ELMO1: variants seen among roughly 807,000 people sequenced by gnomAD.
ELMO1 encodes engulfment and cell motility protein 1.
Under a neutral mutation model 98.9 loss-of-function variants are expected in ELMO1, and 26 were observed. That is an observed-to-expected ratio of 0.26 (90% CI 0.19 to 0.36). The LOEUF (loss-of-function observed/expected upper bound fraction) is 0.36, where lower values mean the gene tolerates loss of function less well. Among genes scored for constraint, ELMO1 ranks in the 10% least tolerant of loss-of-function variants. The pLI, the probability that ELMO1 is intolerant of heterozygous loss-of-function variation, is 1.00. For synonymous variants in ELMO1, 346 were observed against 346.0 expected (o/e 1.00, Z 0.00); for missense variants, 627 against 935.2 (o/e 0.67, Z 4.30).
intron 15 of ELMO1, among the ~76,000 whole-genome samples, chr7:37,090,577 A>C (rs1351106245): frequency 6.6e-6 from 1 of 152,154 alleles, no homozygotes; most frequent in East Asian, 1.9e-4. Flanking sequence ...CAGGTCTTCT[A>C]GCCTACCATT....
At chr7:36,973,495 T>TGC (rs1232098424) in intron 16 of ELMO1, among the ~76,000 whole-genome samples, 3 of 152,120 alleles carry the variant, frequency 2.0e-5, no homozygotes, top group African/African-American at 4.8e-5. Context: ...AGGAAACAAG[T>TGC]TCCAGTCCAT....
chr7:37,138,720 C>T (rs979666877), intron 13 of ELMO1, among the ~76,000 whole-genome samples: 1 of 152,254 alleles, frequency 6.6e-6, no homozygotes, highest in African/African-American at 2.4e-5. Flanking sequence ...CTTAATCGTT[C>T]TATGAAGCCA....
chr7:37,102,796 A>T (rs1784708156), intron 14 of ELMO1, among the ~76,000 whole-genome samples: 1 of 152,236 alleles, frequency 6.6e-6, no homozygotes, highest in African/African-American at 2.4e-5. Context: ...ATGGAAGCTT[A>T]GATGGCCTAA....
Position 37,371,468 on chromosome 7 carries a change from A to G in ELMO1, c.-73-28705T>C, listed in dbSNP as rs1243702393. Among the ~76,000 whole-genome samples the G allele has an allele frequency of 3.3e-5, 5 of 152,184 alleles. No individual in the cohort carries two copies. In the East Asian group the frequency reaches 9.6e-4, roughly 29 times the overall value. Reference sequence around the variant, plus strand: ...ATTTCATTATAATCTATTTTGAACTATTTAGTTTTAGCTTTCATTTACTCG... The same window carrying G: ...ATTTCATTATAATCTATTTTGAACTGTTTAGTTTTAGCTTTCATTTACTCG... On this transcript the variant is annotated intron_variant, in intron 1 of 21. Coordinates refer to ENST00000310758, the MANE Select transcript of ELMO1 (RefSeq NM_014800.11).
chr7:37,125,943 T>C lies in ELMO1; in HGVS notation c.1191+7187A>G, dbSNP rs1786478153. 3.9e-5 allele frequency among the ~76,000 whole-genome samples: 6 copies of C among 152,148 alleles called. No individual in the cohort carries two copies. In the South Asian group the frequency reaches 1.2e-3, roughly 32 times the overall value. ...TTGGATTAAGAAAATGTGGCACATA[T>C]ACACCATGGAATACTATGCAGCCAT... On this transcript the variant is annotated intron_variant, in intron 14 of 21. Transcript: ENST00000310758.
chr7:37,432,906 C>T (rs939736614), intron 1 of ELMO1, among the ~76,000 whole-genome samples: 1 of 152,228 alleles, frequency 6.6e-6, no homozygotes, highest in African/African-American at 2.4e-5. Flanking sequence ...TATAAGTAGA[C>T]AAGCAAGTAA....
chr7:37,260,376 C>T (rs917748528), intron 5 of ELMO1, among the ~76,000 whole-genome samples: 1 of 152,172 alleles, frequency 6.6e-6, no homozygotes, highest in Non-Finnish European at 1.5e-5. Context: ...TTACAACTCT[C>T]TCAGGAACCC....
intron 13 of ELMO1, among the ~76,000 whole-genome samples, chr7:37,195,821 G>T (rs1236277538): frequency 6.6e-6 from 1 of 152,214 alleles, no homozygotes; most frequent in Non-Finnish European, 1.5e-5. Context: ...ATGCTCATAA[G>T]TCACAGGGAA....
At chr7:37,144,795 C>T (rs58324369) in intron 13 of ELMO1, among the ~76,000 whole-genome samples, 2 of 152,094 alleles carry the variant, frequency 1.3e-5, no homozygotes, top group South Asian at 2.1e-4. Flanking sequence ...GCACCCAAGG[C>T]GCTGTTTGGG....
chr7:37,403,961 C>A (rs1000760391), intron 1 of ELMO1, among the ~76,000 whole-genome samples: 1 of 152,086 alleles, frequency 6.6e-6, no homozygotes, highest in South Asian at 2.1e-4. Context: ...ATGTACCACA[C>A]TAATGCAAGA....
chr7:37,290,806 GCTAAA>G (rs1797636916), intron 4 of ELMO1, among the ~76,000 whole-genome samples: 1 of 152,084 alleles, frequency 6.6e-6, no homozygotes, highest in South Asian at 2.1e-4. Context: ...ACAAGCATAT[GCTAAA>G]ATTCATATGG....
At chr7:37,141,346 C>A (rs1434701863) in intron 13 of ELMO1, among the ~76,000 whole-genome samples, 1 of 152,082 alleles carries the variant, frequency 6.6e-6, no homozygotes, top group Non-Finnish European at 1.5e-5. Context: ...GAATGACGCA[C>A]TGGACTTTGG....
At chr7:37,108,635 CA>C (rs1202376144) in intron 14 of ELMO1, among the ~76,000 whole-genome samples, 2 of 152,192 alleles carry the variant, frequency 1.3e-5, no homozygotes, top group Non-Finnish European at 2.9e-5. Context: ...TTTATGCCCC[CA>C]AATTATGGTA....
At chr7:37,133,951 G>A (rs1049320771) in intron 13 of ELMO1, among the ~76,000 whole-genome samples, 2 of 152,096 alleles carry the variant, frequency 1.3e-5, no homozygotes, top group African/African-American at 4.8e-5. Flanking sequence ...TTAAAAGTGG[G>A]CAAAGGACAT....
At chr7:37,229,503 GA>G (rs1236704404) in intron 8 of ELMO1, among the ~76,000 whole-genome samples, 2 of 151,812 alleles carry the variant, frequency 1.3e-5, no homozygotes, top group Non-Finnish European at 2.9e-5. Context: ...GGCTGGCAGG[GA>G]AAAAAAATAT....
chr7:37,138,924 A>G (rs6462730), intron 13 of ELMO1, among the ~76,000 whole-genome samples: 126,795 of 151,840 alleles, frequency 0.84, 53,587 homozygotes, highest in Non-Finnish European at 0.9. Flanking sequence ...TTTAACACAT[A>G]TAAGTCAATA....
chr7:37,275,012 G>C (rs962552869), intron 4 of ELMO1, among the ~76,000 whole-genome samples: 1 of 152,168 alleles, frequency 6.6e-6, no homozygotes, highest in African/African-American at 2.4e-5. Context: ...TTAAAGATAA[G>C]AAAGCAAAGC....
intron 15 of ELMO1, among the ~76,000 whole-genome samples, chr7:37,071,241 GGAA>G (rs1275030283): frequency 6.6e-6 from 1 of 152,112 alleles, no homozygotes; most frequent in Non-Finnish European, 1.5e-5. Flanking sequence ...TATATTGAGT[GGAA>G]GAAGAGAGAC....
chr7:37,377,495 T>C (rs1802400563), intron 1 of ELMO1, among the ~76,000 whole-genome samples: 1 of 152,090 alleles, frequency 6.6e-6, no homozygotes, highest in Non-Finnish European at 1.5e-5. Flanking sequence ...CACCTTTCTG[T>C]GAACAGAGGA....
Sources: gnomAD v4.1 joint callset for allele counts (sites outside exome capture counted in the v4.1 genomes callset) on GRCh38, gnomAD v4.1.1 for gene constraint, MANE v1.5 for transcripts, NCBI Gene and HGNC (gene_info 2026-07-23, HGNC 2026-07-21) for gene names.